The following B4GALT6 variants were observed in gnomAD, a reference collection of about 807,000 sequenced individuals.
B4GALT6 encodes the protein UDP-Gal:beta-GlcNAc beta-1,4-galactosyltransferase 6.
Under a neutral mutation model 46.3 loss-of-function variants are expected in B4GALT6, and 14 were observed. The observed-to-expected ratio is 0.30, with a 90% CI of 0.20 to 0.47. B4GALT6 has a LOEUF of 0.47. Ranked by LOEUF, B4GALT6 falls within the 20% of genes least tolerant of loss-of-function variation. The pLI, the probability that B4GALT6 is intolerant of heterozygous loss-of-function variation, is 0.99. For missense variants in B4GALT6, 386 were observed against 480.1 expected (o/e 0.80, Z 1.83); for synonymous variants, 168 against 162.0 (o/e 1.04, Z -0.28).
intron 4 of B4GALT6, among the ~76,000 whole-genome samples, chr18:31,643,804 C>T (rs2073958447): frequency 6.6e-6 from 1 of 152,122 alleles, no homozygotes; most frequent in African/African-American, 2.4e-5. Context: ...TTTTCCTATC[C>T]TAAACTGTTC....
At chr18:31,656,112 AC>A (rs781577897) in intron 3 of B4GALT6, among the ~76,000 whole-genome samples, 11 of 152,146 alleles carry the variant, frequency 7.2e-5, no homozygotes, top group Non-Finnish European at 1.6e-4. Flanking sequence ...ATTCTGATGT[AC>A]CCCCAAGACT....
chr18:31,663,031 A>T (rs2074238210), intron 2 of B4GALT6, among the ~76,000 whole-genome samples: 1 of 152,196 alleles, frequency 6.6e-6, no homozygotes, highest in African/African-American at 2.4e-5. Context: ...TAATGAATGG[A>T]TAAAAATAAA....
chr18:31,660,061 TCCTAG>T (rs112177707), intron 2 of B4GALT6, among the ~76,000 whole-genome samples: 115 of 148,924 alleles, frequency 7.7e-4, no homozygotes, highest in African/African-American at 2.6e-3. Context: ...CAAGTGATCC[TCCTAG>T]CTCAGCCTCC....
intron 6 of B4GALT6, among the ~76,000 whole-genome samples, chr18:31,630,339 T>C (rs1248728621): frequency 1.3e-5 from 2 of 152,164 alleles, no homozygotes; most frequent in African/African-American, 2.4e-5. Context: ...CATTCTTTCA[T>C]GTCCTTTTAA....
Position 31,666,362 on chromosome 18 carries a change from A to G in B4GALT6, c.126T>C (p.Tyr42=). Residue 42 remains tyrosine, a synonymous_variant, in exon 2 of 9, where the codon TAT becomes TAC. Transcript: ENST00000306851. ...IYVAPGIANT[Y]LFMVQARGIM... is the part of the protein sequence containing the mutation. ...TACCTCGAGCTTGTACCATAAAGAG[A>G]TATGTGTTGGCTATAAAAGAAAAAT... 2.5e-6 allele frequency: 4 copies of G among 1,578,036 alleles called. No individual in the cohort carries two copies. The highest frequency in any genetic ancestry group is 1.2e-5 in the South Asian group (1 of 86,458).
the B4GALT6 span, among the ~76,000 whole-genome samples, chr18:31,710,993 A>G: frequency 6.6e-6 from 1 of 152,278 alleles, no homozygotes; most frequent in South Asian, 2.1e-4. Flanking sequence ...ATTGAGTTGT[A>G]CAGACTCCCT....
the B4GALT6 span, among the ~76,000 whole-genome samples, chr18:31,712,287 A>ACTTTTTTTTT: frequency 2.8e-4 from 24 of 84,628 alleles, 3 homozygotes; most frequent in African/African-American, 9.6e-4. Flanking sequence ...CTGGGACGTT[A>ACTTTTTTTTT]TTTTTTTTTT....
At chr18:31,636,883 G>A (rs563501733) in intron 5 of B4GALT6, among the ~76,000 whole-genome samples, 3 of 152,252 alleles carry the variant, frequency 2.0e-5, no homozygotes, top group East Asian at 1.9e-4. Flanking sequence ...GCGCAGTGGC[G>A]CAATCTTGGC....
the B4GALT6 span, among the ~76,000 whole-genome samples, chr18:31,697,553 C>T: frequency 6.6e-6 from 1 of 152,160 alleles, no homozygotes; most frequent in Admixed American, 6.5e-5. Flanking sequence ...CTTGTGTGTA[C>T]ACTCTCGTTA....
the B4GALT6 span, among the ~76,000 whole-genome samples, chr18:31,714,778 T>C: frequency 6.6e-6 from 1 of 152,178 alleles, no homozygotes; most frequent in East Asian, 1.9e-4. Context: ...TATATTCTCA[T>C]AGCAGAAGAC....
Position 31,645,493 on chromosome 18 carries a change from A to G in B4GALT6, c.347-14T>C, listed in dbSNP as rs763216864. ...TGAGGAATCCTCCTACAAATTAAAA[A>G]TGTAAAGAATTGTTTTAATATTTTT... On this transcript the variant is annotated splice_polypyrimidine_tract_variant and intron_variant, in intron 3 of 8. Transcript: ENST00000306851. 6.2e-7 allele frequency: 1 copy of G among 1,601,670 alleles called. No individual in the cohort carries two copies. Among genetic ancestry groups the G allele is most frequent in the Admixed American group, 1.8e-5 (1 of 56,412 alleles).
intron 2 of B4GALT6, among the ~76,000 whole-genome samples, chr18:31,665,911 A>G (rs558475616): frequency 3.9e-5 from 6 of 152,364 alleles, no homozygotes; most frequent in African/African-American, 1.4e-4. Flanking sequence ...GAATGAACAT[A>G]AAGAGAGATG....
chr18:31,646,185 C>A (rs937492748), intron 3 of B4GALT6, among the ~76,000 whole-genome samples: 2 of 152,194 alleles, frequency 1.3e-5, no homozygotes, highest in South Asian at 4.2e-4. Flanking sequence ...ATATATCAGG[C>A]CCCTTGGCAT....
At chr18:31,652,005 CATT>C (rs1242751230) in intron 3 of B4GALT6, among the ~76,000 whole-genome samples, 1 of 152,090 alleles carries the variant, frequency 6.6e-6, no homozygotes, top group African/African-American at 2.4e-5. Flanking sequence ...CTCCTGACCT[CATT>C]ATCTGCCCGC....
chr18:31,651,424 C>T (rs2074066059), intron 3 of B4GALT6, among the ~76,000 whole-genome samples: 2 of 152,000 alleles, frequency 1.3e-5, no homozygotes, highest in African/African-American at 4.8e-5. Flanking sequence ...TCTAGGATAA[C>T]CTGTTAGTCA....
intron 4 of B4GALT6, among the ~76,000 whole-genome samples, chr18:31,644,417 T>G (rs949264259): frequency 1.3e-5 from 2 of 152,136 alleles, no homozygotes; most frequent in Non-Finnish European, 2.9e-5. Context: ...TAACAGCATA[T>G]GATTTTCCTT....
the B4GALT6 span, among the ~76,000 whole-genome samples, chr18:31,691,714 T>C: frequency 1.3e-5 from 2 of 152,124 alleles, no homozygotes; most frequent in South Asian, 4.1e-4. Context: ...CTTTAATGGG[T>C]TAATAATGAA....
At position 31,630,965 on chromosome 18, in the gene B4GALT6, A is replaced by G; in HGVS notation, c.770T>C (p.Met257Thr). Reference protein sequence around the residue: ...RHFAAKLDKYMYILPYKEFFG... With the variant: ...RHFAAKLDKYTYILPYKEFFG... ...AATAGTGCACACTACTTACATATAC[A>G]TGTATTTATCCAGCTTTGCAGCAAA... The change falls in exon 6 of 9, where the codon ATG becomes ACG. Residue 257 changes from methionine to threonine, a missense_variant. Coordinates refer to ENST00000306851, the MANE Select transcript of B4GALT6 (RefSeq NM_004775.5). The G allele has an allele frequency of 1.2e-6, 2 of 1,614,130 alleles. No individual in the cohort carries two copies. Among genetic ancestry groups the G allele is most frequent in the South Asian group, 2.2e-5 (2 of 91,080 alleles).
the B4GALT6 span, among the ~76,000 whole-genome samples, chr18:31,692,913 T>TA: frequency 6.6e-6 from 1 of 152,178 alleles, no homozygotes; most frequent in African/African-American, 2.4e-5. Flanking sequence ...TGAACTTACT[T>TA]ATATGGGGTC....
Sources: gnomAD v4.1 joint callset for allele counts (sites outside exome capture counted in the v4.1 genomes callset) on GRCh38, gnomAD v4.1.1 for gene constraint, MANE v1.5 for transcripts, NCBI Gene and HGNC (gene_info 2026-07-23, HGNC 2026-07-21) for gene names.